Variants in SPIN1 observed in about 807,000 individuals in gnomAD.
SPIN1 encodes the protein spindlin 1, also known as spindlin-1.
Under a neutral mutation model 26.0 loss-of-function variants are expected in SPIN1, and 3 were observed. That is an observed-to-expected ratio of 0.12 (90% confidence interval 0.05 to 0.30). The LOEUF is 0.30. SPIN1 is among the 10% of genes least tolerant of loss of function. The pLI is 1.00. For missense variants in SPIN1, 126 were observed against 333.4 expected (o/e 0.38, Z 4.84); for synonymous variants, 101 against 116.5 (o/e 0.87, Z 0.86).
At chr9:88,457,600 G>T (rs1247933633) in intron 3 of SPIN1, among the ~76,000 whole-genome samples, 1 of 152,008 alleles carries the variant, frequency 6.6e-6, no homozygotes, top group African/African-American at 2.4e-5. Context: ...GATCAGATTG[G>T]CTTCTATTGT....
intron 1 of SPIN1, among the ~76,000 whole-genome samples, chr9:88,389,168 C>T (rs1439769171): frequency 1.3e-5 from 2 of 152,150 alleles, no homozygotes. Flanking sequence ...GGCCAGTCCT[C>T]GCGCCCGCGC....
chr9:88,458,830 G>A (rs1246865585), intron 3 of SPIN1, among the ~76,000 whole-genome samples: 1 of 152,136 alleles, frequency 6.6e-6, no homozygotes, highest in Non-Finnish European at 1.5e-5. Flanking sequence ...CAGTCTGGAG[G>A]CAGAATTCCT....
At chr9:88,408,692 T>G (rs1039443428) in intron 1 of SPIN1, among the ~76,000 whole-genome samples, 10 of 145,394 alleles carry the variant, frequency 6.9e-5, no homozygotes, top group Non-Finnish European at 9.1e-5. Flanking sequence ...TTTTTTTTTT[T>G]GAGACAGTTT....
chr9:88,471,999 A>G (rs1250494411), intron 5 of SPIN1, among the ~76,000 whole-genome samples: 1 of 152,036 alleles, frequency 6.6e-6, no homozygotes. Context: ...GGGTTTTGCC[A>G]TATTGGCCAG....
chr9:88,424,293 G>T (rs567155213), intron 1 of SPIN1, among the ~76,000 whole-genome samples: 1 of 152,284 alleles, frequency 6.6e-6, no homozygotes, highest in African/African-American at 2.4e-5. Flanking sequence ...TAGCAAGCCT[G>T]TCTGCTGAGG....
At chr9:88,412,856 G>GT (rs564232722) in intron 1 of SPIN1, among the ~76,000 whole-genome samples, 190 of 151,842 alleles carry the variant, frequency 1.3e-3, no homozygotes, top group Non-Finnish European at 2.5e-3. Context: ...GGTAATTTTT[G>GT]TATTTTTAGT....
rs563068956 is a variant in SPIN1, at chr9:88,426,190, T to A, written c.-158-192T>A. Among the ~76,000 whole-genome samples the A allele has an allele frequency of 4.0e-3, 615 of 152,164 alleles. 5 individuals are homozygous for A. The highest frequency in any genetic ancestry group is 0.014 in the African/African-American group (590 of 41,538). ...GTCCCAGGCTTCTTTTTTTAAAGAGTCTATCACCTCTTTTTCTCCTTTCTA... is the reference window on the plus strand; with the variant it reads ...GTCCCAGGCTTCTTTTTTTAAAGAGACTATCACCTCTTTTTCTCCTTTCTA... On this transcript the variant is annotated intron_variant, in intron 1 of 5. Transcript: ENST00000375859.
intron 2 of SPIN1, among the ~76,000 whole-genome samples, chr9:88,447,493 G>A (rs1358752225): frequency 2.6e-5 from 4 of 152,256 alleles, no homozygotes; most frequent in East Asian, 1.9e-4. Context: ...TGGCAAGCAC[G>A]TGCTGAGCTT....
rs567326909 is a variant in SPIN1 at position 88,408,272 on chromosome 9, C to A, written c.-158-18110C>A. Among the ~76,000 whole-genome samples the A allele has an allele frequency of 5.6e-4, 84 of 149,276 alleles. 1 individual carries two copies. In the South Asian group the frequency reaches 0.018, roughly 32 times the overall value. ...CTATCCCCCCTTTACCCCCTCCCCCCACCTTCTGAGAGCCCATTTAAGCAC... is the reference window on the plus strand; with the variant it reads ...CTATCCCCCCTTTACCCCCTCCCCCAACCTTCTGAGAGCCCATTTAAGCAC... On this transcript the variant is annotated intron_variant, in intron 1 of 5. Coordinates refer to ENST00000375859, the MANE Select transcript of SPIN1 (RefSeq NM_006717.3).
intron 5 of SPIN1, 72 bp downstream of exon 5, chr9:88,468,677 T>C (rs1828718156): frequency 1.0e-6 from 1 of 952,998 alleles, no homozygotes; most frequent in Admixed American, 3.3e-5. Flanking sequence ...GATATTTGAT[T>C]GGCTCTTTTG....
chr9:88,396,596 C>T (rs768178379), intron 1 of SPIN1, among the ~76,000 whole-genome samples: 2 of 152,036 alleles, frequency 1.3e-5, no homozygotes, highest in Non-Finnish European at 1.5e-5. Context: ...AGTGAGACTC[C>T]GTCTCAGAAA....
chr9:88,422,275 C>T (rs1358568691), intron 1 of SPIN1, among the ~76,000 whole-genome samples: 1 of 152,192 alleles, frequency 6.6e-6, no homozygotes, highest in African/African-American at 2.4e-5. Flanking sequence ...GAAGGTTCTG[C>T]TAACCTAGAA....
chr9:88,451,919 C>T (rs951902895), intron 3 of SPIN1, among the ~76,000 whole-genome samples: 3 of 152,118 alleles, frequency 2.0e-5, no homozygotes, highest in Admixed American at 6.6e-5. Flanking sequence ...AAATTTATTT[C>T]TAGTGGTTCT....
chr9:88,413,690 C>T (rs561128758), intron 1 of SPIN1, among the ~76,000 whole-genome samples: 12 of 152,234 alleles, frequency 7.9e-5, no homozygotes, highest in South Asian at 2.1e-4. Context: ...GCCACTGTGC[C>T]GGGCCAAAAT....
intron 1 of SPIN1, among the ~76,000 whole-genome samples, chr9:88,408,971 TTGTG>T (rs1201073155): frequency 4.1e-5 from 5 of 122,556 alleles, no homozygotes; most frequent in Admixed American, 7.6e-5. Context: ...CCTTTTGTGT[TTGTG>T]TGTGTTTGTG....
intron 5 of SPIN1, among the ~76,000 whole-genome samples, chr9:88,471,900 G>A (rs1245790682): frequency 6.6e-6 from 1 of 151,646 alleles, no homozygotes; most frequent in African/African-American, 2.4e-5. Flanking sequence ...GCACGATCTC[G>A]GCTCATTGCA....
intron 1 of SPIN1, among the ~76,000 whole-genome samples, chr9:88,422,409 C>T (rs535596095): frequency 2.6e-5 from 4 of 152,170 alleles, no homozygotes; most frequent in South Asian, 4.2e-4. Flanking sequence ...TTAAAAAAAC[C>T]TGAGCAAATT....
chr9:88,438,117 C>T (rs1187914054), intron 2 of SPIN1, among the ~76,000 whole-genome samples: 1 of 151,622 alleles, frequency 6.6e-6, no homozygotes, highest in African/African-American at 2.4e-5. Flanking sequence ...TGCTGCTGCA[C>T]TCCAGCCTGG....
rs529350929 is a variant in SPIN1 at position 88,473,266 on chromosome 9, G to A, written c.590-1812G>A. On this transcript the variant is annotated intron_variant, in intron 5 of 5. Coordinates refer to ENST00000375859, the MANE Select transcript of SPIN1 (RefSeq NM_006717.3). ...AAATTAGCCAAGTGTGGTGGAGGGCGCCTGTAGTCCCAGCTACTCGGGAGG... is the reference window on the plus strand; with the variant it reads ...AAATTAGCCAAGTGTGGTGGAGGGCACCTGTAGTCCCAGCTACTCGGGAGG... Among the ~76,000 whole-genome samples the A allele has an allele frequency of 5.5e-3, 766 of 138,600 alleles. 1 individual carries two copies. The highest frequency in any genetic ancestry group is 8.1e-3 in the Non-Finnish European group (552 of 67,924). 90.9% of individuals were successfully genotyped at this position (138,600 alleles called of 152,430 possible). A position where few individuals can be genotyped will look rare whatever the true frequency, so the allele number is the denominator to read the frequency against.
Sources: allele counts gnomAD v4.1 joint callset (sites outside exome capture counted in the v4.1 genomes callset), GRCh38; gene constraint gnomAD v4.1.1; transcripts MANE v1.5; gene names NCBI Gene and HGNC (gene_info 2026-07-23, HGNC 2026-07-21).